CNTN5: variants seen among roughly 807,000 people sequenced by gnomAD.
CNTN5 encodes contactin-5.
In CNTN5, 77 loss-of-function variants were observed where a neutral mutation model predicts 129.1. The ratio of observed to expected loss-of-function variants is 0.60; its 90% confidence interval spans 0.50 to 0.72. CNTN5 has a LOEUF of 0.72. Ranked by LOEUF, CNTN5 falls within the 30% of genes least tolerant of loss-of-function variation. The pLI is 0.00. For missense variants in CNTN5, 1,478 were observed against 1,328.8 expected, an observed-to-expected ratio of 1.11 and a Z score of -1.75; for synonymous variants, 509 against 465.6, an observed-to-expected ratio of 1.09 and a Z score of -1.20.
chr11:99,211,975 CA>C (rs567839234), intron 1 of CNTN5, among the ~76,000 whole-genome samples: 2 of 151,992 alleles, frequency 1.3e-5, no homozygotes, highest in Admixed American at 6.6e-5. Context: ...AAATGTGTTA[CA>C]AAAAAATGCT....
At chr11:100,333,042 C>CA (rs976850107) in intron 21 of CNTN5, among the ~76,000 whole-genome samples, 1 of 151,406 alleles carries the variant, frequency 6.6e-6, no homozygotes, top group African/African-American at 2.4e-5. Flanking sequence ...TACATGAAGA[C>CA]AAAAAAGCTC....
At chr11:99,781,223 T>C (rs1591161684) in intron 3 of CNTN5, among the ~76,000 whole-genome samples, 1 of 152,062 alleles carries the variant, frequency 6.6e-6, no homozygotes, top group Non-Finnish European at 1.5e-5. Context: ...CTGTGTCCTT[T>C]CATTGTTGCA....
chr11:99,769,149 C>T (rs1159856231), intron 3 of CNTN5, among the ~76,000 whole-genome samples: 1 of 152,052 alleles, frequency 6.6e-6, no homozygotes, highest in Non-Finnish European at 1.5e-5. Flanking sequence ...ATTATATAAA[C>T]TGGCTGTTGA....
At chr11:99,793,985 G>A (rs572112741) in intron 3 of CNTN5, among the ~76,000 whole-genome samples, 46 of 152,036 alleles carry the variant, frequency 3.0e-4, no homozygotes, top group Non-Finnish European at 5.4e-4. Flanking sequence ...TTTCTGCCTC[G>A]ATGATCTGTC....
intron 1 of CNTN5, among the ~76,000 whole-genome samples, chr11:99,238,945 A>G (rs1861410958): frequency 6.6e-6 from 1 of 152,110 alleles, no homozygotes; most frequent in Admixed American, 6.5e-5. Context: ...AGTTATAAGA[A>G]ATAAATAAAA....
At chr11:99,257,773 T>G (rs566654183) in intron 1 of CNTN5, among the ~76,000 whole-genome samples, 7 of 152,018 alleles carry the variant, frequency 4.6e-5, no homozygotes, top group Non-Finnish European at 1.0e-4. Flanking sequence ...TTAAGAGAAA[T>G]GTAAGAAAGT....
chr11:99,782,992 G>C (rs1306973818), intron 3 of CNTN5, among the ~76,000 whole-genome samples: 1 of 150,694 alleles, frequency 6.6e-6, no homozygotes, highest in Non-Finnish European at 1.5e-5. Context: ...TCTAATTAAA[G>C]AGCTTCTGCA....
chr11:99,219,018 A>G (rs2135696666), intron 1 of CNTN5, among the ~76,000 whole-genome samples: 1 of 152,184 alleles, frequency 6.6e-6, no homozygotes, highest in South Asian at 2.1e-4. Context: ...CTGCTTTAAT[A>G]TGAAATAAAA....
chr11:100,094,287 T>A (rs1944906556), intron 13 of CNTN5, among the ~76,000 whole-genome samples: 1 of 152,054 alleles, frequency 6.6e-6, no homozygotes, highest in African/African-American at 2.4e-5. Context: ...TCTCATTGTG[T>A]ATCTTGCTCC....
intron 3 of CNTN5, among the ~76,000 whole-genome samples, chr11:99,781,177 A>G (rs969345508): frequency 6.6e-6 from 1 of 152,120 alleles, no homozygotes; most frequent in Non-Finnish European, 1.5e-5. Context: ...GAAATATTCA[A>G]GAGTAAAATA....
chr11:99,409,357 A>T (rs1397556581), intron 2 of CNTN5, among the ~76,000 whole-genome samples: 1 of 152,134 alleles, frequency 6.6e-6, no homozygotes, highest in East Asian at 1.9e-4. Flanking sequence ...GGTCCCAGCT[A>T]CTCAGGAGGA....
chr11:99,234,461 C>T (rs936353270), intron 1 of CNTN5, among the ~76,000 whole-genome samples: 1 of 151,658 alleles, frequency 6.6e-6, no homozygotes, highest in Admixed American at 6.6e-5. Context: ...TTTACAGGCA[C>T]TGCAGAATTT....
At position 100,127,651 on chromosome 11, in the gene CNTN5, C is replaced by CTTTTTTTTTTTT. The variant is rs66468227; in HGVS notation, c.1580+53370_1580+53381dup. On this transcript the variant is annotated intron_variant, in intron 13 of 24. Transcript: ENST00000524871. ...ACAGACTTTCTGACTTTCTTTCTTT[C>CTTTTTTTTTTTT]TTTTTTTTTTTTTTTTTTTTTTTTG... is the stretch of plus-strand genomic sequence containing the variant. 2.0e-3 allele frequency among the ~76,000 whole-genome samples: 160 copies of CTTTTTTTTTTTT among 81,278 alleles called. 1 individual carries two copies. The highest frequency in any genetic ancestry group is 2.3e-3 in the East Asian group (6 of 2,636). The allele number at this position is 81,278 out of a possible 152,430, so 53.3% of individuals were successfully genotyped here.
chr11:100,170,128 C>T (rs547296506), intron 13 of CNTN5, among the ~76,000 whole-genome samples: 27 of 152,078 alleles, frequency 1.8e-4, no homozygotes, highest in South Asian at 4.1e-4. Context: ...AATAATTGAA[C>T]GCCTTCTATT....
intron 3 of CNTN5, among the ~76,000 whole-genome samples, chr11:99,733,608 G>C (rs548163749): frequency 1.3e-5 from 2 of 152,144 alleles, no homozygotes; most frequent in Middle Eastern, 6.8e-3. Flanking sequence ...TTAATGGTGG[G>C]CATTGTCTCC....
At chr11:99,190,605 G>GTTTTGT (rs2135590582) in intron 1 of CNTN5, among the ~76,000 whole-genome samples, 1 of 151,326 alleles carries the variant, frequency 6.6e-6, no homozygotes, top group East Asian at 1.9e-4. Context: ...TTTTAGTGTA[G>GTTTTGT]AGGTCTTAAA....
chr11:99,045,054 A>T (rs760691503), intron 1 of CNTN5, among the ~76,000 whole-genome samples: 2 of 152,220 alleles, frequency 1.3e-5, no homozygotes, highest in African/African-American at 4.8e-5. Context: ...AATACCTGGC[A>T]TATAGAAAAC....
chr11:100,309,618 T>C (rs1354600526), intron 21 of CNTN5: 1 of 983,854 alleles, frequency 1.0e-6, no homozygotes, highest in Non-Finnish European at 1.2e-6. Context: ...TCAGGGACCA[T>C]GTTTGTTCAT....
chr11:100,259,262 TGCACCCAATACAGGA>T (rs1379965614), intron 17 of CNTN5, among the ~76,000 whole-genome samples: 1 of 152,266 alleles, frequency 6.6e-6, no homozygotes, highest in African/African-American at 2.4e-5. Context: ...TAAATATATA[TGCACCCAATACAGGA>T]GCACCCATAT....
Sources: allele counts gnomAD v4.1 joint callset (sites outside exome capture counted in the v4.1 genomes callset), GRCh38; gene constraint gnomAD v4.1.1; transcripts MANE v1.5; gene names NCBI Gene and HGNC (gene_info 2026-07-23, HGNC 2026-07-21).